The following ZGRF1 variants were observed in gnomAD, a reference collection of about 807,000 sequenced individuals.
ZGRF1 encodes zinc finger GRF-type containing 1, also known as 5'-3' DNA helicase ZGRF1.
In ZGRF1, 196 loss-of-function variants were observed where a neutral mutation model predicts 203.5. The observed-to-expected ratio is 0.96, with a 90% confidence interval of 0.86 to 1.08. The LOEUF (loss-of-function observed/expected upper bound fraction) is 1.08, where lower values mean the gene tolerates loss of function less well. ZGRF1 is among the 50% of genes least tolerant of loss of function. ZGRF1 has a pLI of 0.00. For synonymous variants in ZGRF1, 809 were observed against 841.3 expected (o/e 0.96, Z 0.66); for missense variants, 2,326 against 2,416.3 (o/e 0.96, Z 0.78).
rs1251383176 is a variant in ZGRF1 at position 112,540,956 on chromosome 4, C to T, written c.5776-1G>A. 7.0e-6 allele frequency: 11 copies of T among 1,565,566 alleles called. No individual in the cohort carries two copies. Among genetic ancestry groups the T allele is most frequent in the Non-Finnish European group, 9.5e-6 (11 of 1,153,310 alleles). The stretch of plus-strand genomic sequence containing the variant: ...TATGAAAGCTGTTATCTCTTTCTAT[C>T]TGGAGTAAGAAATAGATCCTAAATT... On this transcript the variant is annotated splice_acceptor_variant, in intron 25 of 27. Coordinates refer to ENST00000505019, the MANE Select transcript of ZGRF1 (RefSeq NM_018392.5). LOFTEE classifies it high-confidence loss of function.
Position 112,562,462 on chromosome 4 carries a change from A to C in ZGRF1, c.4606T>G (p.Cys1536Gly), listed in dbSNP as rs1742178658. Residue 1536 changes from cysteine to glycine, a missense_variant, in exon 18 of 28, where the codon TGT becomes GGT. Transcript: ENST00000505019. ...TNMVVHALLVCNASTELTTLK... is the reference protein window; with the variant it reads ...TNMVVHALLVGNASTELTTLK... ...GTAGTCAGTTCTGTGCTAGCATTAC[A>C]AACCAATAACGCATGGACAACCACT... The C allele has an allele frequency of 1.2e-6, 2 of 1,607,024 alleles. No homozygotes were observed. The highest frequency in any genetic ancestry group is 4.5e-5 in the East Asian group (2 of 44,772).
chr4:112,568,880 G>A lies in ZGRF1; in HGVS notation c.4439-5606C>T, dbSNP rs185042763. On this transcript the variant is annotated intron_variant, in intron 16 of 27. Coordinates refer to ENST00000505019, the MANE Select transcript of ZGRF1 (RefSeq NM_018392.5). ...AATACAAAAATTAGCTGTGCATGGT[G>A]GTGTGCGCCTGTAGTCCCAGCTAAT... Among the ~76,000 whole-genome samples the A allele has an allele frequency of 1.7e-3, 253 of 152,204 alleles. 1 individual carries two copies. Among genetic ancestry groups the A allele is most frequent in the African/African-American group, 5.9e-3 (244 of 41,530 alleles).
Position 112,587,763 on chromosome 4 carries a change from G to C in ZGRF1, c.3294C>G (p.Pro1098=). 6.4e-7 allele frequency: 1 copy of C among 1,555,730 alleles called. No individual in the cohort carries two copies. Among genetic ancestry groups the C allele is most frequent in the Middle Eastern group, 1.7e-4 (1 of 5,998 alleles). The change falls in exon 12 of 28, where the codon CCC becomes CCG. Residue 1098 remains proline (P), a synonymous_variant. Coordinates refer to ENST00000505019, the MANE Select transcript of ZGRF1 (RefSeq NM_018392.5). The part of the protein sequence containing the change: ...NSNTYESSGS[P]MLNLCEKSAV... ...CTGACTTTTCACACAAATTGAGCAT[G>C]GGGGAGCCAGAAGACTCGTATGTGT...
At chr4:112,560,413 G>A (rs1741738438) in intron 19 of ZGRF1, among the ~76,000 whole-genome samples, 1 of 152,324 alleles carries the variant, frequency 6.6e-6, no homozygotes, top group East Asian at 1.9e-4. Context: ...AGAGTGAGCT[G>A]ACTAGGAATA....
At chr4:112,632,999 G>A (rs1010745541) in intron 2 of ZGRF1, among the ~76,000 whole-genome samples, 157 bp downstream of exon 2, 1 of 152,192 alleles carries the variant, frequency 6.6e-6, no homozygotes, top group African/African-American at 2.4e-5. Flanking sequence ...AAAAAGGTAT[G>A]CATTGTTTAT....
chr4:112,621,425 G>A (rs543814193), intron 4 of ZGRF1, among the ~76,000 whole-genome samples: 2 of 152,010 alleles, frequency 1.3e-5, no homozygotes, highest in South Asian at 2.1e-4. Context: ...CGAGGTGGGC[G>A]GATCACCTGA....
At chr4:112,585,900 T>G (rs1471677669) in intron 13 of ZGRF1, among the ~76,000 whole-genome samples, 175 bp from the exon 14 acceptor site, 1 of 147,740 alleles carries the variant, frequency 6.8e-6, no homozygotes, top group Non-Finnish European at 1.5e-5. Flanking sequence ...GTAACACTTC[T>G]AGTTAAAAAA....
chr4:112,574,162 A>G (rs1744723458), intron 16 of ZGRF1, among the ~76,000 whole-genome samples: 1 of 152,216 alleles, frequency 6.6e-6, no homozygotes, highest in African/African-American at 2.4e-5. Context: ...TGTCTAAAAG[A>G]CAGTACAAGA....
In ZGRF1 at chr4:112,549,401, TAC is replaced by T. The variant is rs144366387; in HGVS notation, c.5347-1023_5347-1022del. ...ATACACACGTACACACACATTTGTGTACATATACATACGTGTGTATAAACACA... is the reference window on the plus strand; with the variant it reads ...ATACACACGTACACACACATTTGTGTATATACATACGTGTGTATAAACACA... On this transcript the variant is annotated intron_variant, in intron 22 of 27. Coordinates refer to ENST00000505019, the MANE Select transcript of ZGRF1 (RefSeq NM_018392.5). Among the ~76,000 whole-genome samples the T allele has an allele frequency of 2.4e-4, 37 of 152,368 alleles. No individual in the cohort carries two copies. The East Asian group carries it at 6.0e-3, about 25-fold the overall frequency.
In ZGRF1 at chr4:112,587,264, C is replaced by T. The variant is rs1273074422; in HGVS notation, c.3777+16G>A. On this transcript the variant is annotated intron_variant, in intron 12 of 27. Coordinates refer to ENST00000505019, the MANE Select transcript of ZGRF1 (RefSeq NM_018392.5). ...CTATTGGAAAAATGCACCACAAGAC[C>T]GGTACATTTCCTCACCTGTAAATCC... is the stretch of plus-strand genomic sequence containing the variant. The T allele has an allele frequency of 1.2e-5, 19 of 1,577,060 alleles. No individual in the cohort carries two copies. Among genetic ancestry groups the T allele is most frequent in the East Asian group, 9.0e-5 (4 of 44,522 alleles).
Position 112,547,269 on chromosome 4 carries a change from A to G in ZGRF1, c.5598+16T>C. ...ATCAATAAATGATAATTCCGTAAGAATTCAGCAGTATGTACCATTAAGCAA... is the reference window on the plus strand; with the variant it reads ...ATCAATAAATGATAATTCCGTAAGAGTTCAGCAGTATGTACCATTAAGCAA... On this transcript the variant is annotated intron_variant, in intron 24 of 27. Transcript: ENST00000505019. 6.2e-7 allele frequency: 1 copy of G among 1,601,070 alleles called. No homozygotes were observed.
chr4:112,626,785 AATTTATTT>A (rs553664852), intron 3 of ZGRF1, among the ~76,000 whole-genome samples: 4 of 151,694 alleles, frequency 2.6e-5, no homozygotes, highest in Non-Finnish European at 2.9e-5. Context: ...TGATACTTCA[AATTTATTT>A]ATTTATTTAT....
chr4:112,597,898 C>T (rs940939165), intron 10 of ZGRF1, among the ~76,000 whole-genome samples: 2 of 141,898 alleles, frequency 1.4e-5, no homozygotes, highest in African/African-American at 2.6e-5. Flanking sequence ...TACCCACACA[C>T]ACACACACTG....
intron 10 of ZGRF1, among the ~76,000 whole-genome samples, chr4:112,593,699 T>C (rs1748535764): frequency 6.6e-6 from 1 of 152,210 alleles, no homozygotes; most frequent in South Asian, 2.1e-4. Flanking sequence ...CACATGCTGT[T>C]TCTTTGCATG....
At chr4:112,629,250 T>C (rs1450394730) in intron 3 of ZGRF1, among the ~76,000 whole-genome samples, 1 of 152,246 alleles carries the variant, frequency 6.6e-6, no homozygotes, top group Non-Finnish European at 1.5e-5. Context: ...ACCCTGTAAC[T>C]CCTGAAACAT....
In ZGRF1 at chr4:112,587,407, C is replaced by A; in HGVS notation, c.3650G>T (p.Ser1217Ile). The A allele has an allele frequency of 1.2e-6, 2 of 1,613,894 alleles. No individual in the cohort carries two copies. The highest frequency in any genetic ancestry group is 1.7e-6 in the Non-Finnish European group (2 of 1,179,848). ...CTTTCTGGAAACCGAATCTTGACTG[C>A]TAAAATCCTGCCGCTGTTGATAGAG... Reference protein sequence around the residue: ...GMLYQQRQDFSSQDSVSRKKV... With the variant: ...GMLYQQRQDFISQDSVSRKKV... The change falls in exon 12 of 28, where the codon AGC becomes ATC. Residue 1217 changes from serine to isoleucine, a missense_variant. By Grantham distance (142) the Ser-to-Ile change is moderately radical. Coordinates refer to ENST00000505019, the MANE Select transcript of ZGRF1 (RefSeq NM_018392.5).
chr4:112,548,201 A>G (rs1739190821), intron 23 of ZGRF1, 52 bp downstream of exon 23: 3 of 1,526,684 alleles, frequency 2.0e-6, no homozygotes, highest in East Asian at 2.5e-5. Context: ...TCAGCCTCCT[A>G]AAGTGCTAGG....
chr4:112,548,289 T>C lies in ZGRF1; in HGVS notation c.5438A>G (p.Gln1813Arg). 1.9e-6 allele frequency: 3 copies of C among 1,552,406 alleles called. No individual in the cohort carries two copies. The highest frequency in any genetic ancestry group is 2.6e-6 in the Non-Finnish European group (3 of 1,147,164). Residue 1813 changes from glutamine to arginine, a missense_variant, in exon 23 of 28, where the codon CAG becomes CGG. Transcript: ENST00000505019. ...AAGGAGAGAGGCCGGTTCAGTTATC[T>C]GACTACACTCATCCAGCACAACTAC... ...FPVVVLDECS[Q>R]ITEPASLLPI... is the part of the protein sequence containing the mutation.
At chr4:112,590,217 G>A (rs1385877448) in intron 10 of ZGRF1, among the ~76,000 whole-genome samples, 1 of 152,134 alleles carries the variant, frequency 6.6e-6, no homozygotes, top group Non-Finnish European at 1.5e-5. Flanking sequence ...TTACAGCTGT[G>A]AAGGTCTAAA....
Sources: gnomAD v4.1 joint callset for allele counts (sites outside exome capture counted in the v4.1 genomes callset) on GRCh38, gnomAD v4.1.1 for gene constraint, MANE v1.5 for transcripts, NCBI Gene and HGNC (gene_info 2026-07-23, HGNC 2026-07-21) for gene names.